Variants in AGO3 observed in about 807,000 individuals in gnomAD.
AGO3 encodes the protein protein argonaute-3.
AGO3 carries 16 observed loss-of-function variants against 105.5 expected under a neutral mutation model. The ratio of observed to expected loss-of-function variants is 0.15; its 90% CI spans 0.10 to 0.23. The LOEUF (loss-of-function observed/expected upper bound fraction) is 0.23, where lower values mean the gene tolerates loss of function less well. AGO3 is among the 10% of genes least tolerant of loss of function. The pLI, the probability that AGO3 is intolerant of heterozygous loss-of-function variation, is 1.00. For missense variants in AGO3, 534 were observed against 1,088.0 expected, an observed-to-expected ratio of 0.49 and a Z score of 7.16; for synonymous variants, 340 against 367.3, an observed-to-expected ratio of 0.93 and a Z score of 0.85.
chr1:35,972,495 A>G (rs968842766), intron 4 of AGO3, among the ~76,000 whole-genome samples: 2 of 152,216 alleles, frequency 1.3e-5, no homozygotes, highest in African/African-American at 4.8e-5. Context: ...CTTAGGATCT[A>G]AAAGTCTTAA....
chr1:36,009,932 C>CTTTT (rs58385070), intron 9 of AGO3, among the ~76,000 whole-genome samples: 4 of 58,226 alleles, frequency 6.9e-5, no homozygotes, highest in Admixed American at 2.3e-4. Flanking sequence ...TACTAAAATT[C>CTTTT]TTTTTTTTTT....
rs1444229578 is a variant in AGO3, at chr1:36,066,600, T to C, written c.*10855T>C. The C allele has an allele frequency of 6.6e-6, 1 of 152,194 alleles. No individual in the cohort carries two copies. Among genetic ancestry groups the C allele is most frequent in the Non-Finnish European group, 1.5e-5 (1 of 68,034 alleles). 9.4% of individuals were successfully genotyped at this position (152,194 alleles called of 1,614,324 possible). On this transcript the variant is annotated 3_prime_UTR_variant, in exon 19 of 19. Coordinates refer to ENST00000373191, the MANE Select transcript of AGO3 (RefSeq NM_024852.4). ...ATTTTAAAAATAAAAGACAAAACTT[T>C]CATCTTTATTTCATGGCTTTATTTC...
At chr1:35,932,968 A>G (rs921482078) in intron 1 of AGO3, among the ~76,000 whole-genome samples, 2 of 114,038 alleles carry the variant, frequency 1.8e-5, no homozygotes, top group Admixed American at 2.0e-4. Flanking sequence ...GTGCCCATAT[A>G]TATGGGAAAT....
chr1:35,993,683 T>C (rs1647915842), intron 5 of AGO3, among the ~76,000 whole-genome samples: 1 of 149,520 alleles, frequency 6.7e-6, no homozygotes, highest in Admixed American at 6.7e-5. Flanking sequence ...ATAACATCAA[T>C]CTTTCACAAA....
chr1:35,971,733 A>G (rs141032429), intron 3 of AGO3, among the ~76,000 whole-genome samples: 86 of 152,304 alleles, frequency 5.6e-4, no homozygotes, highest in African/African-American at 1.9e-3. Flanking sequence ...ACTTAATAGT[A>G]TAGCTTGGAA....
At chr1:36,018,617 G>A (rs192560303) in intron 11 of AGO3, among the ~76,000 whole-genome samples, 1 of 151,628 alleles carries the variant, frequency 6.6e-6, no homozygotes, top group East Asian at 2.0e-4. Flanking sequence ...TATTTTAGTA[G>A]AGATGGGGTT....
chr1:36,046,192 C>T (rs1021075036), intron 17 of AGO3, among the ~76,000 whole-genome samples: 7 of 152,136 alleles, frequency 4.6e-5, no homozygotes, highest in African/African-American at 1.7e-4. Context: ...ATACTGTGCT[C>T]CACCCACTGT....
At chr1:35,933,094 G>C (rs1003623024) in intron 1 of AGO3, among the ~76,000 whole-genome samples, 1 of 152,116 alleles carries the variant, frequency 6.6e-6, no homozygotes, top group African/African-American at 2.4e-5. Flanking sequence ...TGCTGAAATG[G>C]ATACCCATTT....
chr1:35,989,850 G>C (rs967772386), intron 5 of AGO3, among the ~76,000 whole-genome samples: 13 of 151,690 alleles, frequency 8.6e-5, no homozygotes, highest in Non-Finnish European at 1.6e-4. Context: ...CTCCAGCCTG[G>C]GTGACAGAAC....
At position 36,047,972 on chromosome 1, in the gene AGO3, C is replaced by T. The variant is rs138219200; in HGVS notation, c.2274+4424C>T. Among the ~76,000 whole-genome samples, 1,003 of 152,092 alleles carry T rather than the reference C, an allele frequency of 6.6e-3. 9 individuals are homozygous for T. The highest frequency in any genetic ancestry group is 0.023 in the African/African-American group (954 of 41,484). On this transcript the variant is annotated intron_variant, in intron 17 of 18. Coordinates refer to ENST00000373191, the MANE Select transcript of AGO3 (RefSeq NM_024852.4). The stretch of plus-strand genomic sequence containing the variant: ...GAGGCTCAAAAGTCTCCAAACAGAT[C>T]GAACCCTAAAAGGTTCTTCCCAAGG...
rs980749745 is a variant in AGO3, at chr1:36,027,010, A to G, written c.1407-104A>G. Reference sequence around the variant, plus strand: ...TGACCTCTCATATATGAAGCACACAAATCTTTGCTTCATCCTTCCATTCCC... The same window carrying G: ...TGACCTCTCATATATGAAGCACACAGATCTTTGCTTCATCCTTCCATTCCC... On this transcript the variant is annotated intron_variant, in intron 11 of 18. Coordinates refer to ENST00000373191, the MANE Select transcript of AGO3 (RefSeq NM_024852.4). This position sits in a 1 kb window ranked among gnomAD's most constrained non-coding sequence, Gnocchi z 4.0. The G allele has an allele frequency of 2.0e-5, 26 of 1,322,404 alleles. No homozygotes were observed. Among genetic ancestry groups the G allele is most frequent in the African/African-American group, 1.0e-4 (7 of 67,786 alleles). The allele number at this position is 1,322,404 out of a possible 1,614,324, so 81.9% of individuals were successfully genotyped here.
At chr1:35,969,359 A>G (rs1646827332) in intron 3 of AGO3, among the ~76,000 whole-genome samples, 1 of 152,080 alleles carries the variant, frequency 6.6e-6, no homozygotes, top group Non-Finnish European at 1.5e-5. Context: ...TTAATTTTGA[A>G]ATGGGAGATA....
At chr1:35,996,321 CTT>C (rs1357424574) in intron 5 of AGO3, among the ~76,000 whole-genome samples, 1 of 146,854 alleles carries the variant, frequency 6.8e-6, no homozygotes, top group Admixed American at 6.8e-5. Context: ...GACTCTGACT[CTT>C]AAAAAAAAAA....
intron 2 of AGO3, among the ~76,000 whole-genome samples, chr1:35,949,597 A>C (rs1557646650): frequency 6.6e-6 from 1 of 152,186 alleles, no homozygotes; most frequent in Non-Finnish European, 1.5e-5. Flanking sequence ...AACTTATTCA[A>C]AATATTAAAA....
intron 3 of AGO3, among the ~76,000 whole-genome samples, chr1:35,968,681 C>G (rs150139938): frequency 5.6e-4 from 85 of 152,268 alleles, no homozygotes; most frequent in African/African-American, 1.9e-3. Flanking sequence ...TTGGCTATTG[C>G]AAATAATCCT....
At chr1:35,944,902 A>G (rs1305327647) in intron 1 of AGO3, among the ~76,000 whole-genome samples, 1 of 152,098 alleles carries the variant, frequency 6.6e-6, no homozygotes, top group Admixed American at 6.5e-5. Flanking sequence ...TCACAGGCTC[A>G]AGCCATTCTC....
chr1:35,955,363 C>T (rs1646545265), intron 2 of AGO3, among the ~76,000 whole-genome samples: 1 of 152,184 alleles, frequency 6.6e-6, no homozygotes, highest in Non-Finnish European at 1.5e-5. Flanking sequence ...TAAATGCACA[C>T]ACATTTCAAA....
chr1:35,998,958 G>A (rs1272944761), intron 5 of AGO3, among the ~76,000 whole-genome samples: 3 of 152,192 alleles, frequency 2.0e-5, no homozygotes, highest in African/African-American at 7.2e-5. Flanking sequence ...TATATAGTAT[G>A]AGGTAGGCTT....
chr1:35,952,936 A>C (rs555184774), intron 2 of AGO3, among the ~76,000 whole-genome samples: 2 of 152,358 alleles, frequency 1.3e-5, no homozygotes, highest in African/African-American at 4.8e-5. Flanking sequence ...TGGATATAAT[A>C]CATTTTGTTT....
Sources: gnomAD v4.1 joint callset for allele counts (sites outside exome capture counted in the v4.1 genomes callset) on GRCh38, gnomAD v4.1.1 for gene constraint, Gnocchi (gnomAD v3.1) non-coding constraint, MANE v1.5 for transcripts, NCBI Gene and HGNC (gene_info 2026-07-23, HGNC 2026-07-21) for gene names.